SYNE1: variants seen among roughly 807,000 people sequenced by gnomAD.
SYNE1 encodes spectrin repeat containing nuclear envelope protein 1.
SYNE1 carries 616 observed loss-of-function variants against 1,111.0 expected under a neutral mutation model. The observed-to-expected ratio is 0.55, with a 90% confidence interval of 0.52 to 0.59. The LOEUF is 0.59. Ranked by LOEUF, SYNE1 falls within the 20% of genes least tolerant of loss-of-function variation. SYNE1 has a pLI of 0.00. For synonymous variants in SYNE1, 3,855 were observed against 3,825.8 expected (o/e 1.01, Z -0.28); for missense variants, 10,006 against 10,417.0 (o/e 0.96, Z 1.72).
Position 152,416,498 on chromosome 6 carries a change from T to G in SYNE1, c.5939A>C (p.Lys1980Thr). The G allele has an allele frequency of 6.2e-7, 1 of 1,614,104 alleles. No individual in the cohort carries two copies. The highest frequency in any genetic ancestry group is 8.5e-7 in the Non-Finnish European group (1 of 1,180,000). ...QSEADALAVL[K>T]KAFQDQKEEL... is the part of the protein sequence containing the mutation. ...CTCTTTCTGGTCTTGGAATGCTTTT[T>G]TCAACACTGCCAGAGCATCTGCCTC... Residue 1980 changes from lysine (K) to threonine (T), a missense_variant, in exon 41 of 146, where the codon AAA becomes ACA. Coordinates refer to ENST00000367255, the MANE Select transcript of SYNE1 (RefSeq NM_182961.4).
intron 87 of SYNE1, 136 bp from the exon 88 acceptor site, chr6:152,311,009 A>C: frequency 2.4e-6 from 2 of 830,794 alleles, no homozygotes; most frequent in Non-Finnish European, 2.0e-6. Flanking sequence ...CCCCATGACC[A>C]CTTTCTACTT....
intron 2 of SYNE1, among the ~76,000 whole-genome samples, chr6:152,629,068 A>G: frequency 6.6e-6 from 1 of 152,194 alleles, no homozygotes; most frequent in East Asian, 1.9e-4. Context: ...TTTGAGTTTC[A>G]AGTACTCCAA....
intron 81 of SYNE1, among the ~76,000 whole-genome samples, chr6:152,324,619 C>A (rs1449081752): frequency 6.6e-6 from 1 of 152,026 alleles, no homozygotes; most frequent in Non-Finnish European, 1.5e-5. Context: ...GAGGTGAAAC[C>A]TCGTCTCTAA....
At position 152,433,945 on chromosome 6, in the gene SYNE1, A is replaced by C; in HGVS notation, c.4311T>G (p.Asp1437Glu). The change falls in exon 34 of 146, where the codon GAT (aspartate) becomes GAG (glutamate). Residue 1437 changes from aspartate to glutamate, a missense_variant and splice_region_variant. Physicochemically the swap from Asp to Glu is conservative, Grantham distance 45. Coordinates refer to ENST00000367255, the MANE Select transcript of SYNE1 (RefSeq NM_182961.4). ...TTTTCACCATTTCCATGGTTTTAATACTAAAATTAACCAAATTAAGTAAAT... is the reference window on the plus strand; with the variant it reads ...TTTTCACCATTTCCATGGTTTTAATCCTAAAATTAACCAAATTAAGTAAAT... The part of the protein sequence containing the change: ...VKKLEDTLEE[D>E]IKTMEMVKTK... The C allele has an allele frequency of 6.2e-7, 1 of 1,611,264 alleles. No individual in the cohort carries two copies. Among genetic ancestry groups the C allele is most frequent in the Non-Finnish European group, 8.5e-7 (1 of 1,178,196 alleles).
At chr6:152,576,815 C>T (rs1022420505) in intron 3 of SYNE1, among the ~76,000 whole-genome samples, 3 of 151,960 alleles carry the variant, frequency 2.0e-5, no homozygotes, top group Non-Finnish European at 4.4e-5. Context: ...ACATTTAGTC[C>T]GATTAGATTA....
chr6:152,595,568 G>A (rs1349339740), intron 3 of SYNE1, among the ~76,000 whole-genome samples: 1 of 152,060 alleles, frequency 6.6e-6, no homozygotes, highest in East Asian at 1.9e-4. Context: ...TGAGCAATCT[G>A]GTTTTTTTAA....
At chr6:152,453,553 G>T in intron 25 of SYNE1, 33 bp downstream of exon 25, 1 of 1,613,602 alleles carries the variant, frequency 6.2e-7, no homozygotes, top group Non-Finnish European at 8.5e-7. Flanking sequence ...CTTCATTGAG[G>T]ATGCACGGTG....
intron 97 of SYNE1, 99 bp downstream of exon 97, chr6:152,281,708 A>T: frequency 7.7e-7 from 1 of 1,306,614 alleles, no homozygotes; most frequent in African/African-American, 1.5e-5. Context: ...GTTGGGAAAA[A>T]TCATATATCC....
chr6:152,372,993 T>C (rs375821403), intron 59 of SYNE1, 44 bp downstream of exon 59: 80 of 1,598,006 alleles, frequency 5.0e-5, no homozygotes, highest in Non-Finnish European at 5.7e-5. Context: ...ACAACAACAA[T>C]AACAAATAAC....
chr6:152,584,082 G>A (rs1345127478), intron 3 of SYNE1, among the ~76,000 whole-genome samples: 3 of 152,298 alleles, frequency 2.0e-5, no homozygotes, highest in Admixed American at 6.5e-5. Flanking sequence ...GCACTCCCTA[G>A]CTCTGTGATC....
intron 66 of SYNE1, among the ~76,000 whole-genome samples, chr6:152,356,906 C>A (rs1441082391): frequency 6.6e-6 from 1 of 152,166 alleles, no homozygotes; most frequent in African/African-American, 2.4e-5. Context: ...TGATGGGTAA[C>A]TATTGACTTA....
At chr6:152,370,038 A>C (rs2097153522) in intron 59 of SYNE1, among the ~76,000 whole-genome samples, 1 of 150,534 alleles carries the variant, frequency 6.6e-6, no homozygotes, top group Non-Finnish European at 1.5e-5. Flanking sequence ...AGCCCGCTCC[A>C]AAGTCTGAAA....
chr6:152,342,363 T>A (rs2154009782), intron 74 of SYNE1, among the ~76,000 whole-genome samples: 1 of 152,360 alleles, frequency 6.6e-6, no homozygotes, highest in East Asian at 1.9e-4. Flanking sequence ...CAAGGTGGCT[T>A]GTGGGTCAAG....
chr6:152,562,808 T>A (rs9383628), intron 3 of SYNE1, among the ~76,000 whole-genome samples: 17,304 of 152,172 alleles, frequency 0.11, 1,447 homozygotes, highest in East Asian at 0.46. Flanking sequence ...TATATTTTTT[T>A]AAAAAACTCT....
At position 152,350,165 on chromosome 6, in the gene SYNE1, T is replaced by G. The variant is rs1350630336; in HGVS notation, c.11901+3A>C. 1 of 1,612,906 alleles carries G rather than the reference T, an allele frequency of 6.2e-7. No homozygotes were observed. Among genetic ancestry groups the G allele is most frequent in the Non-Finnish European group, 8.5e-7 (1 of 1,180,016 alleles). ...AAGGCAGCCCTTTAAAGGTCAGGGG[T>G]ACCTTGTGGTGGGCCAATTGCTGGG... is the stretch of plus-strand genomic sequence containing the variant. On this transcript the variant is annotated splice_donor_region_variant and intron_variant, in intron 72 of 145. Coordinates refer to ENST00000367255, the MANE Select transcript of SYNE1 (RefSeq NM_182961.4).
intron 12 of SYNE1, 47 bp from the exon 13 acceptor site, chr6:152,485,019 C>G: frequency 3.1e-6 from 5 of 1,594,640 alleles, no homozygotes; most frequent in Non-Finnish European, 4.3e-6. Context: ...TCAAAAAAAG[C>G]AAAAGCAAAG....
intron 11 of SYNE1, among the ~76,000 whole-genome samples, chr6:152,494,153 A>G (rs183132686): frequency 6.6e-6 from 1 of 152,292 alleles, no homozygotes; most frequent in African/African-American, 2.4e-5. Context: ...ATACTTTTAG[A>G]GGCCATCAAA....
At chr6:152,440,269 T>C (rs2098516556) in intron 32 of SYNE1, among the ~76,000 whole-genome samples, 2 of 152,166 alleles carry the variant, frequency 1.3e-5, no homozygotes, top group Non-Finnish European at 2.9e-5. Flanking sequence ...TACACCTGCC[T>C]AAAAATTCAT....
intron 130 of SYNE1, among the ~76,000 whole-genome samples, chr6:152,165,948 A>G (rs1335191919): frequency 2.0e-5 from 3 of 152,204 alleles, no homozygotes; most frequent in Non-Finnish European, 4.4e-5. Flanking sequence ...AGAGTTTACC[A>G]TCAATAAACC....
Sources: gnomAD v4.1 joint callset for allele counts (sites outside exome capture counted in the v4.1 genomes callset) on GRCh38, gnomAD v4.1.1 for gene constraint, MANE v1.5 for transcripts, NCBI Gene and HGNC (gene_info 2026-07-23, HGNC 2026-07-21) for gene names.